NCOA1: variants seen among roughly 807,000 people sequenced by gnomAD.
NCOA1 encodes Hin-2 protein.
Under a neutral mutation model 150.9 loss-of-function variants are expected in NCOA1, and 35 were observed. The observed-to-expected ratio is 0.23, with a 90% CI of 0.18 to 0.31. The LOEUF is 0.31. Among genes scored for constraint, NCOA1 ranks in the 10% least tolerant of loss-of-function variants. The pLI is 1.00. For synonymous variants in NCOA1, 590 were observed against 630.0 expected (o/e 0.94, Z 0.95); for missense variants, 1,491 against 1,749.3 (o/e 0.85, Z 2.63).
chr2:24,706,493 TA>T (rs1673438250), intron 12 of NCOA1, 74 bp from the exon 13 acceptor site: 7 of 1,438,154 alleles, frequency 4.9e-6, no homozygotes, highest in Non-Finnish European at 5.5e-6. Flanking sequence ...GGTCTTGTTT[TA>T]GAATATGTAT....
intron 1 of NCOA1, among the ~76,000 whole-genome samples, chr2:24,539,685 G>T (rs914913485): frequency 8.5e-5 from 13 of 152,126 alleles, no homozygotes; most frequent in African/African-American, 3.1e-4. Flanking sequence ...AGAAGTAATA[G>T]AAAAATTTGA....
In NCOA1 at chr2:24,592,365, A is replaced by G. The variant is rs191016201; in HGVS notation, c.-175+7805A>G. ...AAGATATTGTCCATAGTAAATAACT[A>G]AATTAGCTTTGGGGGATCACTCTTG... On this transcript the variant is annotated intron_variant, in intron 3 of 22. Coordinates refer to ENST00000348332, the MANE Select transcript of NCOA1 (RefSeq NM_003743.5). 1.3e-5 allele frequency among the ~76,000 whole-genome samples: 2 copies of G among 152,226 alleles called. 1 individual carries two copies. Among genetic ancestry groups the G allele is most frequent in the East Asian group, 3.9e-4 (2 of 5,186 alleles).
At chr2:24,743,703 T>G (rs1663731206) in intron 19 of NCOA1, among the ~76,000 whole-genome samples, 1 of 152,210 alleles carries the variant, frequency 6.6e-6, no homozygotes, top group East Asian at 1.9e-4. Context: ...ACTTGTGTAG[T>G]CATCTGCATC....
rs1553441349 is a variant in NCOA1 at position 24,642,037 on chromosome 2, T to TGC, written c.-174-1923_-174-1922dup. 5.7e-3 allele frequency among the ~76,000 whole-genome samples: 789 copies of TGC among 138,546 alleles called. 11 individuals are homozygous for TGC. The highest frequency in any genetic ancestry group is 0.018 in the African/African-American group (724 of 39,152). The allele number at this position is 138,546 out of a possible 152,430, so 90.9% of individuals were successfully genotyped here. A position where few individuals can be genotyped will look rare whatever the true frequency, so the allele number is the denominator to read the frequency against. On this transcript the variant is annotated intron_variant, in intron 3 of 22. Coordinates refer to ENST00000348332, the MANE Select transcript of NCOA1 (RefSeq NM_003743.5). ...GTGTGTGTGTGTGTGTGTGTGTGTG[T>TGC]GCGCGCGTGCGTATGTGTGTGTGTA...
intron 2 of NCOA1, among the ~76,000 whole-genome samples, chr2:24,581,170 A>G (rs908052278): frequency 1.3e-5 from 2 of 152,172 alleles, no homozygotes; most frequent in Admixed American, 1.3e-4. Context: ...TTACTGTGTG[A>G]TGGTGAAAGG....
Position 24,733,791 on chromosome 2 carries a change from A to G in NCOA1, c.3201+3976A>G, listed in dbSNP as rs186871413. ...AAAAACAGAAAATCCAAAAGAATCT[A>G]TAGGGAACTTAGAACAAATAGAGTA... On this transcript the variant is annotated intron_variant, in intron 17 of 22. Coordinates refer to ENST00000348332, the MANE Select transcript of NCOA1 (RefSeq NM_003743.5). 3.0e-4 allele frequency among the ~76,000 whole-genome samples: 45 copies of G among 152,330 alleles called. 1 individual carries two copies. The highest frequency in any genetic ancestry group is 2.3e-3 in the Admixed American group (35 of 15,292).
chr2:24,545,243 G>A (rs1263210273), intron 1 of NCOA1, among the ~76,000 whole-genome samples: 1 of 152,054 alleles, frequency 6.6e-6, no homozygotes, highest in Non-Finnish European at 1.5e-5. Flanking sequence ...GATGAGCCTG[G>A]AACATTGTAG....
chr2:24,580,631 T>A (rs1220239673), intron 2 of NCOA1, among the ~76,000 whole-genome samples: 1 of 152,232 alleles, frequency 6.6e-6, no homozygotes, highest in African/African-American at 2.4e-5. Flanking sequence ...TTTTCTTTCT[T>A]TGCAGTATGT....
chr2:24,751,956 A>G (rs1664264048), intron 19 of NCOA1, 26 bp from the exon 20 acceptor site: 1 of 1,596,092 alleles, frequency 6.3e-7, no homozygotes, highest in East Asian at 2.2e-5. Flanking sequence ...GTGTATCAAC[A>G]TAAATTAATT....
chr2:24,517,288 G>A (rs1025298265), intron 1 of NCOA1, among the ~76,000 whole-genome samples: 2 of 150,678 alleles, frequency 1.3e-5, no homozygotes, highest in African/African-American at 4.9e-5. Flanking sequence ...CTCTCCTTCC[G>A]TTCTGTGTGG....
intron 1 of NCOA1, among the ~76,000 whole-genome samples, chr2:24,553,432 T>C (rs530059494): frequency 6.6e-6 from 1 of 152,280 alleles, no homozygotes; most frequent in African/African-American, 2.4e-5. Flanking sequence ...TTGGCCAGGC[T>C]GGTCCCAAAC....
intron 1 of NCOA1, among the ~76,000 whole-genome samples, chr2:24,494,305 T>C (rs1249796877): frequency 6.6e-6 from 1 of 152,236 alleles, no homozygotes; most frequent in Non-Finnish European, 1.5e-5. Context: ...CCCTGCTTGG[T>C]TGTCATCAAT....
chr2:24,630,346 T>C (rs1335207971), intron 3 of NCOA1, among the ~76,000 whole-genome samples: 1 of 152,240 alleles, frequency 6.6e-6, no homozygotes, highest in Non-Finnish European at 1.5e-5. Context: ...TGTAGGCAGA[T>C]GTGGATAACT....
intron 7 of NCOA1, among the ~76,000 whole-genome samples, chr2:24,676,856 G>A (rs1288424938): frequency 6.6e-6 from 1 of 152,034 alleles, no homozygotes; most frequent in African/African-American, 2.4e-5. Context: ...TGACAGAATC[G>A]ACCAAGCTGA....
At chr2:24,622,080 A>C (rs1669193358) in intron 3 of NCOA1, among the ~76,000 whole-genome samples, 1 of 152,226 alleles carries the variant, frequency 6.6e-6, no homozygotes, top group Admixed American at 6.5e-5. Flanking sequence ...TAGATGATGA[A>C]CATAGGAGAA....
At chr2:24,534,002 G>GT (rs527603036) in intron 1 of NCOA1, among the ~76,000 whole-genome samples, 335 of 152,274 alleles carry the variant, frequency 2.2e-3, no homozygotes, top group Admixed American at 7.8e-3. Flanking sequence ...GATTGGAATA[G>GT]TTTCAGAAGG....
In NCOA1 at chr2:24,768,302, G is replaced by A. The variant is rs1456181878; in HGVS notation, c.4237G>A (p.Gly1413Ser). 6.2e-7 allele frequency: 1 copy of A among 1,613,764 alleles called. No homozygotes were observed. Among genetic ancestry groups the A allele is most frequent in the Admixed American group, 1.7e-5 (1 of 59,978 alleles). The change falls in exon 23 of 23, where the codon GGT (glycine) becomes AGT (serine). Residue 1413 changes from glycine (G) to serine (S), a missense_variant. By Grantham distance (56) the Gly-to-Ser change is moderately conservative (BLOSUM62 0). This residue lies in a region of NCOA1 where 46 missense variants were observed against 78.8 expected (regional missense o/e 0.58). Coordinates refer to ENST00000348332, the MANE Select transcript of NCOA1 (RefSeq NM_003743.5). The stretch of plus-strand genomic sequence containing the variant: ...CGGGGACCCTTACCTGAACCAGCCT[G>A]GTCCACTGGGAACTCAAAAGCCCAC... ...VGGDPYLNQP[G>S]PLGTQKPTSG...
intron 7 of NCOA1, 122 bp from the exon 8 acceptor site, chr2:24,682,829 C>T: frequency 1.3e-6 from 1 of 759,650 alleles, no homozygotes. Flanking sequence ...TCACAATTTC[C>T]TTGAGGACAG....
intron 1 of NCOA1, among the ~76,000 whole-genome samples, chr2:24,504,215 T>A (rs1663597162): frequency 6.6e-6 from 1 of 152,218 alleles, no homozygotes; most frequent in Non-Finnish European, 1.5e-5. Context: ...GGATTTGAAT[T>A]CAATTTGTGG....
Sources: gnomAD v4.1 joint callset for allele counts (sites outside exome capture counted in the v4.1 genomes callset) on GRCh38, gnomAD v4.1.1 for gene constraint, gnomAD v4.1.1 regional missense constraint, MANE v1.5 for transcripts, NCBI Gene and HGNC (gene_info 2026-07-23, HGNC 2026-07-21) for gene names.